FAM53A: variants seen among roughly 807,000 people sequenced by gnomAD.
FAM53A encodes the protein protein FAM53A.
Under a neutral mutation model 26.6 loss-of-function variants are expected in FAM53A, and 28 were observed. The observed-to-expected ratio is 1.05, with a 90% CI of 0.78 to 1.45. The LOEUF (loss-of-function observed/expected upper bound fraction) is 1.45. FAM53A is among the 40% of genes most tolerant of loss of function. The pLI is 0.00. For missense variants in FAM53A, 650 were observed against 575.8 expected (o/e 1.13, Z -1.32); for synonymous variants, 290 against 253.1 (o/e 1.15, Z -1.38).
chr4:1,652,383 T>G (rs1454112845), intron 4 of FAM53A, among the ~76,000 whole-genome samples: 1 of 63,172 alleles, frequency 1.6e-5, no homozygotes, highest in Non-Finnish European at 3.5e-5. Flanking sequence ...ACAACACACA[T>G]CACATGCACA....
chr4:1,656,814 C>T (rs981893730), intron 3 of FAM53A, among the ~76,000 whole-genome samples: 2 of 152,144 alleles, frequency 1.3e-5, no homozygotes, highest in African/African-American at 4.8e-5. Flanking sequence ...TGACACAGGG[C>T]GCTGGGCGTG....
chr4:1,580,680 A>T, the FAM53A span, among the ~76,000 whole-genome samples: 26 of 111,406 alleles, frequency 2.3e-4, 1 homozygote, highest in Admixed American at 2.5e-3. Flanking sequence ...CCTCCCACTG[A>T]GGACCCTGCC....
chr4:1,585,276 C>CTTTT, the FAM53A span, among the ~76,000 whole-genome samples: 26 of 75,964 alleles, frequency 3.4e-4, no homozygotes, highest in East Asian at 2.2e-3. Flanking sequence ...CTCTCTCTCT[C>CTTTT]TTTTTTTTTT....
intron 1 of FAM53A, among the ~76,000 whole-genome samples, chr4:1,681,031 C>A (rs1715398336): frequency 6.6e-6 from 1 of 152,068 alleles, no homozygotes; most frequent in African/African-American, 2.4e-5. Flanking sequence ...ACGTACTACT[C>A]CGGTGGGGGA....
intron 2 of FAM53A, among the ~76,000 whole-genome samples, chr4:1,665,711 G>A (rs1022725619): frequency 2.0e-5 from 3 of 152,104 alleles, no homozygotes; most frequent in African/African-American, 2.4e-5. Flanking sequence ...TGGAACCCCC[G>A]TGACCACTCA....
chr4:1,658,788 G>A (rs1480219902), intron 2 of FAM53A, among the ~76,000 whole-genome samples: 1 of 152,260 alleles, frequency 6.6e-6, no homozygotes, highest in East Asian at 1.9e-4. Context: ...TGGGGCACAG[G>A]AGGGGGGTCC....
the FAM53A span, among the ~76,000 whole-genome samples, chr4:1,588,707 T>C: frequency 2.0e-5 from 3 of 152,240 alleles, no homozygotes; most frequent in African/African-American, 7.2e-5. Context: ...TGAGAGACCC[T>C]GAGCCAGAAC....
intron 3 of FAM53A, 104 bp from the exon 4 acceptor site, chr4:1,655,827 C>G (rs1295906579): frequency 1.5e-6 from 2 of 1,311,080 alleles, no homozygotes; most frequent in Admixed American, 6.3e-5. Context: ...AGGGCACAAC[C>G]CCATCGCCGC....
intron 2 of FAM53A, among the ~76,000 whole-genome samples, chr4:1,661,176 G>C (rs372392987): frequency 6.6e-6 from 1 of 151,954 alleles, no homozygotes; most frequent in Non-Finnish European, 1.5e-5. Context: ...CTGCCCTCTG[G>C]ACTCCTGAGA....
At chr4:1,643,176 A>C (rs1425423005) in intron 4 of FAM53A, among the ~76,000 whole-genome samples, 1 of 152,164 alleles carries the variant, frequency 6.6e-6, no homozygotes, top group African/African-American at 2.4e-5. Flanking sequence ...GCTCTAAAAG[A>C]CAAATTGACG....
At chr4:1,660,292 A>T (rs1339777729) in intron 2 of FAM53A, among the ~76,000 whole-genome samples, 4 of 151,792 alleles carry the variant, frequency 2.6e-5, no homozygotes, top group Non-Finnish European at 5.9e-5. Flanking sequence ...CAGAAAAAGA[A>T]GAAAAAAACG....
chr4:1,578,775 G>A, the FAM53A span, among the ~76,000 whole-genome samples: 1 of 127,836 alleles, frequency 7.8e-6, no homozygotes, highest in Non-Finnish European at 1.7e-5. Flanking sequence ...GGGCGGAGGA[G>A]GGGAGAGAAG....
the FAM53A span, among the ~76,000 whole-genome samples, chr4:1,597,669 GA>G: frequency 0.5 from 76,658 of 152,030 alleles, 19,774 homozygotes; most frequent in Admixed American, 0.59. Flanking sequence ...TGGCTGCAGG[GA>G]GCACCTGGGT....
downstream of FAM53A, among the ~76,000 whole-genome samples, chr4:1,616,508 C>T (rs1394622103): frequency 6.6e-6 from 1 of 152,198 alleles, no homozygotes; most frequent in South Asian, 2.1e-4. Flanking sequence ...GGTGTCACAG[C>T]GAGACTCCGT....
chr4:1,634,593 G>T (rs957335179), intron 1 of FAM53A, among the ~76,000 whole-genome samples: 1 of 152,130 alleles, frequency 6.6e-6, no homozygotes, highest in African/African-American at 2.4e-5. Context: ...ATTTTGTGGA[G>T]GTTGTCTATA....
chr4:1,634,328 C>T (rs1180606663), intron 1 of FAM53A, among the ~76,000 whole-genome samples: 1 of 152,072 alleles, frequency 6.6e-6, no homozygotes, highest in Non-Finnish European at 1.5e-5. Flanking sequence ...TCCATCCCTG[C>T]CCCCACAACC....
the FAM53A span, among the ~76,000 whole-genome samples, chr4:1,599,916 G>A: frequency 6.6e-6 from 1 of 151,994 alleles, no homozygotes; most frequent in African/African-American, 2.4e-5. The surrounding 1 kb of genome is among the most constrained non-coding windows in gnomAD (Gnocchi z 6.1). Flanking sequence ...GGGTACTGCC[G>A]CCCCTCCCCC....
intron 2 of FAM53A, among the ~76,000 whole-genome samples, chr4:1,667,400 C>T (rs982340258): frequency 2.0e-5 from 3 of 152,242 alleles, no homozygotes; most frequent in East Asian, 3.9e-4. Flanking sequence ...CTGCCTTCCC[C>T]GCCTCGGCCA....
chr4:1,575,064 G>A, the FAM53A span, among the ~76,000 whole-genome samples: 5 of 152,182 alleles, frequency 3.3e-5, no homozygotes, highest in South Asian at 2.1e-4. Context: ...GGCCCCATCC[G>A]CCCACCAAGA....
Sources: allele counts gnomAD v4.1 joint callset (sites outside exome capture counted in the v4.1 genomes callset), GRCh38; gene constraint gnomAD v4.1.1; non-coding constraint Gnocchi (gnomAD v3.1); transcripts MANE v1.5; gene names NCBI Gene and HGNC (gene_info 2026-07-23, HGNC 2026-07-21).